Variants in FBLN2 observed in about 807,000 individuals in gnomAD.
FBLN2 encodes fibulin 2.
In FBLN2, 81 loss-of-function variants were observed where a neutral mutation model predicts 123.7. That is an observed-to-expected ratio of 0.65 (90% CI 0.55 to 0.79). The LOEUF is 0.79. Among genes scored for constraint, FBLN2 ranks in the 30% least tolerant of loss-of-function variants. The pLI is 0.00. For missense variants in FBLN2, 1,603 were observed against 1,681.3 expected (o/e 0.95, Z 0.81); for synonymous variants, 699 against 701.4 (o/e 1.00, Z 0.05).
rs751294686 is a variant in FBLN2, at chr3:13,627,857, G to A, written c.2457G>A (p.Thr819=). 6.2e-6 allele frequency: 10 copies of A among 1,613,340 alleles called. No individual in the cohort carries two copies. Among genetic ancestry groups the A allele is most frequent in the Middle Eastern group, 1.6e-4 (1 of 6,080 alleles). The change falls in exon 11 of 18, where the codon ACG becomes ACA. Residue 819 remains threonine, a synonymous_variant. Transcript: ENST00000404922. ...CEDVDECAMG[T]HTCQPGFLCQ... is the part of the protein sequence containing the mutation. Reference sequence around the variant, plus strand: ...ACGTGGATGAGTGTGCGATGGGCACGCACACCTGCCAGCCGGGCTTCTTGT... The same window carrying A: ...ACGTGGATGAGTGTGCGATGGGCACACACACCTGCCAGCCGGGCTTCTTGT...
chr3:13,624,577 C>T (rs1002832562), intron 9 of FBLN2, among the ~76,000 whole-genome samples: 4 of 152,220 alleles, frequency 2.6e-5, no homozygotes, highest in Non-Finnish European at 5.9e-5. Context: ...TTGGGAGGGT[C>T]TCTTTCCCCA....
intron 4 of FBLN2, among the ~76,000 whole-genome samples, chr3:13,613,227 A>G (rs1230223139): frequency 6.6e-6 from 1 of 152,256 alleles, no homozygotes. Context: ...GGCCAAAGCA[A>G]GACAGAAGGC....
chr3:13,633,838 A>T (rs74878830), intron 16 of FBLN2, among the ~76,000 whole-genome samples: 1,885 of 152,264 alleles, frequency 0.012, 35 homozygotes, highest in African/African-American at 0.043. Flanking sequence ...AATGCCCAGC[A>T]CATAGTAGGT....
chr3:13,609,676 G>A, intron 4 of FBLN2, 34 bp downstream of exon 4: 1 of 1,530,438 alleles, frequency 6.5e-7, no homozygotes, highest in South Asian at 1.2e-5. Flanking sequence ...AGGCAGGGTG[G>A]GGTGGGGCGG....
chr3:13,569,225 T>A, intron 1 of FBLN2: 1 of 181,376 alleles, frequency 5.5e-6, no homozygotes, highest in Non-Finnish European at 1.1e-5. Context: ...TTGGGGGAGT[T>A]CAGGCCTAAG....
chr3:13,588,325 T>C (rs1316383095), intron 2 of FBLN2, among the ~76,000 whole-genome samples: 2 of 152,194 alleles, frequency 1.3e-5, no homozygotes, highest in Non-Finnish European at 2.9e-5. Flanking sequence ...AAGGACACTC[T>C]TATGTCCTCA....
At chr3:13,604,907 T>C (rs1170567996) in intron 2 of FBLN2, among the ~76,000 whole-genome samples, 1 of 152,202 alleles carries the variant, frequency 6.6e-6, no homozygotes, top group Non-Finnish European at 1.5e-5. Context: ...CCGGTTGGAG[T>C]GTGCAGGTGC....
At chr3:13,631,196 C>G in intron 15 of FBLN2, 133 bp from the exon 16 acceptor site, 3 of 1,165,122 alleles carry the variant, frequency 2.6e-6, no homozygotes, top group Non-Finnish European at 3.6e-6. Flanking sequence ...CTCTTCTACT[C>G]TCTCAGTCCA....
chr3:13,626,423 G>T, intron 9 of FBLN2, 22 bp from the exon 10 acceptor site: 3 of 1,555,782 alleles, frequency 1.9e-6, no homozygotes, highest in Non-Finnish European at 2.6e-6. Flanking sequence ...TGCAGCCTCT[G>T]ATGGCCTCGC....
intron 2 of FBLN2, among the ~76,000 whole-genome samples, chr3:13,583,254 G>A (rs1376438989): frequency 6.6e-6 from 1 of 152,278 alleles, no homozygotes; most frequent in African/African-American, 2.4e-5. Flanking sequence ...GCCAGGCACT[G>A]TGTTAATCAC....
At position 13,609,532 on chromosome 3, in the gene FBLN2, T is replaced by G. The variant is rs749329996; in HGVS notation, c.1438T>G (p.Cys480Gly). ...NVCRTAQRHC[C>G]VSYLQEKSCM... ...TTTCAGGACAGCCCAGAGGCACTGC[T>G]GTGTCTCCTACTTGCAGGAGAAGAG... Residue 480 changes from cysteine to glycine, a missense_variant, in exon 4 of 18, where the codon TGT (cysteine) becomes GGT (glycine). Coordinates refer to ENST00000404922, the MANE Select transcript of FBLN2 (RefSeq NM_001004019.2). The G allele has an allele frequency of 7.1e-6, 11 of 1,551,180 alleles. No homozygotes were observed. The highest frequency in any genetic ancestry group is 9.6e-6 in the Non-Finnish European group (11 of 1,146,994).
At chr3:13,568,418 C>T (rs920330699) in intron 1 of FBLN2, among the ~76,000 whole-genome samples, 1 of 152,252 alleles carries the variant, frequency 6.6e-6, no homozygotes, top group Admixed American at 6.5e-5. Flanking sequence ...CTCTCACCTG[C>T]TCCCTGCTGG....
chr3:13,629,487 C>G (rs1456142708), intron 13 of FBLN2, among the ~76,000 whole-genome samples, 195 bp downstream of exon 13: 1 of 152,088 alleles, frequency 6.6e-6, no homozygotes, highest in East Asian at 1.9e-4. Context: ...CCGCCCCCAC[C>G]TTCTCAGTCC....
chr3:13,632,967 G>C (rs1194153012), intron 16 of FBLN2, among the ~76,000 whole-genome samples: 1 of 152,234 alleles, frequency 6.6e-6, no homozygotes, highest in Admixed American at 6.5e-5. Flanking sequence ...CCAAGGCCCT[G>C]TTCCTCCTGG....
chr3:13,629,745 CT>C, intron 13 of FBLN2, 74 bp from the exon 14 acceptor site: 1 of 1,510,166 alleles, frequency 6.6e-7, no homozygotes, highest in East Asian at 2.5e-5. Context: ...CCCTTCGGCC[CT>C]GGATGGCCCT....
intron 9 of FBLN2, among the ~76,000 whole-genome samples, chr3:13,624,518 C>T (rs573635445): frequency 6.6e-6 from 1 of 152,346 alleles, no homozygotes; most frequent in African/African-American, 2.4e-5. Flanking sequence ...CCATTCCCAG[C>T]CATCCCCGGG....
chr3:13,575,041 G>A (rs1704090865), intron 2 of FBLN2, among the ~76,000 whole-genome samples: 1 of 152,228 alleles, frequency 6.6e-6, no homozygotes, highest in Non-Finnish European at 1.5e-5. Context: ...TGCTCTGTGA[G>A]TATCTGTTGA....
chr3:13,606,419 G>T (rs1027537191), intron 2 of FBLN2, among the ~76,000 whole-genome samples: 1 of 152,124 alleles, frequency 6.6e-6, no homozygotes, highest in Non-Finnish European at 1.5e-5. Context: ...CTGTGCCTTT[G>T]AGTTTTAAGA....
intron 4 of FBLN2, among the ~76,000 whole-genome samples, chr3:13,612,335 C>CT (rs1705428480): frequency 9.3e-6 from 1 of 107,442 alleles, no homozygotes; most frequent in Non-Finnish European, 2.1e-5. Flanking sequence ...TTCTTTCTTT[C>CT]TTTCTTTTCT....
Sources: allele counts gnomAD v4.1 joint callset (sites outside exome capture counted in the v4.1 genomes callset), GRCh38; gene constraint gnomAD v4.1.1; transcripts MANE v1.5; gene names NCBI Gene and HGNC (gene_info 2026-07-23, HGNC 2026-07-21).